Variants in PRKG1 observed in about 807,000 individuals in gnomAD.
PRKG1 encodes the protein protein kinase cGMP-dependent 1.
A neutral mutation model predicts 88.1 loss-of-function variants in PRKG1; 35 were observed. That is an observed-to-expected ratio of 0.40 (90% CI 0.30 to 0.53). The LOEUF (loss-of-function observed/expected upper bound fraction) is 0.53, where lower values mean the gene tolerates loss of function less well. PRKG1 is among the 20% of genes least tolerant of loss of function. The pLI is 0.59. For synonymous variants in PRKG1, 303 were observed against 292.5 expected (o/e 1.04, Z -0.37); for missense variants, 540 against 839.8 (o/e 0.64, Z 4.41).
intron 2 of PRKG1, among the ~76,000 whole-genome samples, chr10:51,367,994 C>A (rs1842624531): frequency 6.6e-6 from 1 of 151,880 alleles, no homozygotes; most frequent in Non-Finnish European, 1.5e-5. Flanking sequence ...TAGTGTTTTG[C>A]TGATTTTATT....
At position 50,991,343 on chromosome 10, in the gene PRKG1, C is replaced by CGCCG; in HGVS notation, c.-36_-35insGCCG. On this transcript the variant is annotated 5_prime_UTR_variant, in exon 1 of 18. Transcript: ENST00000401604. The surrounding 1 kb of genome is among the most constrained non-coding windows in gnomAD (Gnocchi z 4.5). ...CCGCCGCCGCCGCCGCCGCCGCCGC[C>CGCCG]CGAGAAAAAGTTTCGCGGAGGGGCT... 1 of 1,493,714 alleles carries CGCCG rather than the reference C, an allele frequency of 6.7e-7. No homozygotes were observed. Among genetic ancestry groups the CGCCG allele is most frequent in the South Asian group, 1.3e-5 (1 of 77,476 alleles). 92.5% of individuals were successfully genotyped at this position (1,493,714 alleles called of 1,614,324 possible).
At chr10:52,254,603 G>C (rs1040363932) in intron 10 of PRKG1, among the ~76,000 whole-genome samples, 1 of 151,974 alleles carries the variant, frequency 6.6e-6, no homozygotes, top group African/African-American at 2.4e-5. Flanking sequence ...GTGAAGTTAA[G>C]AATGTAGTTT....
chr10:51,941,504 A>G (rs1282383169), intron 5 of PRKG1, among the ~76,000 whole-genome samples: 1 of 151,798 alleles, frequency 6.6e-6, no homozygotes, highest in East Asian at 1.9e-4. Context: ...CACAATGTGC[A>G]GGTTAGTTAC....
chr10:51,636,496 A>T (rs1011087598), intron 3 of PRKG1, among the ~76,000 whole-genome samples: 4 of 152,242 alleles, frequency 2.6e-5, no homozygotes, highest in African/African-American at 7.2e-5. Flanking sequence ...ATGAGAACAC[A>T]GCTATGTGAG....
intron 2 of PRKG1, among the ~76,000 whole-genome samples, chr10:51,231,518 G>C (rs1838844173): frequency 6.6e-6 from 1 of 152,092 alleles, no homozygotes; most frequent in Admixed American, 6.6e-5. Context: ...TTCCTTTGCT[G>C]CTTGAATCTG....
intron 1 of PRKG1, chr10:51,148,272 G>A: frequency 1.0e-6 from 1 of 985,118 alleles, no homozygotes; most frequent in Non-Finnish European, 1.2e-6. Context: ...AGGTGACTGT[G>A]AAAATCATTT....
intron 4 of PRKG1, among the ~76,000 whole-genome samples, chr10:51,850,410 C>T (rs1468327213): frequency 6.6e-6 from 1 of 152,110 alleles, no homozygotes; most frequent in Non-Finnish European, 1.5e-5. Context: ...TTCCTGACCT[C>T]AGATGATCCA....
chr10:52,172,164 T>C (rs578206493), intron 9 of PRKG1, among the ~76,000 whole-genome samples: 1 of 152,366 alleles, frequency 6.6e-6, no homozygotes, highest in East Asian at 1.9e-4. Flanking sequence ...CGCTTATCTT[T>C]GAGACTCTCT....
chr10:51,884,301 C>A (rs1841509759), intron 4 of PRKG1, among the ~76,000 whole-genome samples: 2 of 148,836 alleles, frequency 1.3e-5, no homozygotes, highest in African/African-American at 4.9e-5. Context: ...AAAAATTAGC[C>A]AGGCGTGGTG....
chr10:52,119,892 C>T (rs1847775267), intron 7 of PRKG1, among the ~76,000 whole-genome samples: 1 of 151,826 alleles, frequency 6.6e-6, no homozygotes. Flanking sequence ...GAAGAGAGCA[C>T]AGGCATGAGA....
intron 2 of PRKG1, among the ~76,000 whole-genome samples, chr10:51,305,008 A>G (rs949209400): frequency 1.3e-5 from 2 of 152,110 alleles, no homozygotes; most frequent in African/African-American, 4.8e-5. Context: ...CTAGAAAATG[A>G]AGACTTTGTC....
chr10:51,016,997 T>A (rs1029352749), intron 1 of PRKG1, among the ~76,000 whole-genome samples: 2 of 151,738 alleles, frequency 1.3e-5, no homozygotes, highest in African/African-American at 4.8e-5. Flanking sequence ...CCAAAAAAAC[T>A]GAGGCTCAAA....
chr10:51,184,208 C>T (rs1220220687), intron 2 of PRKG1, among the ~76,000 whole-genome samples: 2 of 152,178 alleles, frequency 1.3e-5, no homozygotes, highest in Admixed American at 6.5e-5. Context: ...GATTCTCTCC[C>T]TTATTATATT....
At chr10:51,784,490 A>T (rs1225577188) in intron 3 of PRKG1, among the ~76,000 whole-genome samples, 1 of 152,150 alleles carries the variant, frequency 6.6e-6, no homozygotes, top group African/African-American at 2.4e-5. Flanking sequence ...GCCAGAAAGG[A>T]TGAATAGTTT....
intron 14 of PRKG1, 68 bp downstream of exon 14, chr10:52,282,384 T>C (rs572453153): frequency 6.1e-5 from 86 of 1,408,068 alleles, no homozygotes; most frequent in Non-Finnish European, 8.0e-5. Context: ...CCTGCTTTTG[T>C]CACTTGGATT....
rs181778227 is a variant in PRKG1 at position 52,292,074 on chromosome 10, G to T, written c.1963-1728G>T. Among the ~76,000 whole-genome samples, 1,361 of 152,136 alleles carry T rather than the reference G, an allele frequency of 8.9e-3. 13 individuals are homozygous for T. The highest frequency in any genetic ancestry group is 0.017 in the Middle Eastern group (5 of 294). On this transcript the variant is annotated intron_variant, in intron 17 of 17. Transcript: ENST00000373980. Reference sequence around the variant, plus strand: ...TAAATGTCTTCTTTTGAGAAGTGTCGGTTCATGTCCTTGGCCCACTTTTTG... The same window carrying T: ...TAAATGTCTTCTTTTGAGAAGTGTCTGTTCATGTCCTTGGCCCACTTTTTG...
At chr10:51,878,165 T>C (rs1841345862) in intron 4 of PRKG1, among the ~76,000 whole-genome samples, 2 of 152,088 alleles carry the variant, frequency 1.3e-5, no homozygotes, top group South Asian at 4.1e-4. Flanking sequence ...GTGTAATAAA[T>C]AACATATATA....
intron 5 of PRKG1, among the ~76,000 whole-genome samples, chr10:51,941,937 C>A (rs1036358116): frequency 2.6e-5 from 4 of 151,928 alleles, no homozygotes; most frequent in Non-Finnish European, 4.4e-5. Flanking sequence ...TTTATAGCAG[C>A]GTGATTTATA....
At chr10:51,430,988 G>A (rs189378600) in intron 2 of PRKG1, among the ~76,000 whole-genome samples, 231 of 152,306 alleles carry the variant, frequency 1.5e-3, no homozygotes, top group South Asian at 2.3e-3. Context: ...TGGTGATGGA[G>A]ATGTTCTTAA....
Sources: gnomAD v4.1 joint callset for allele counts (sites outside exome capture counted in the v4.1 genomes callset) on GRCh38, gnomAD v4.1.1 for gene constraint, Gnocchi (gnomAD v3.1) non-coding constraint, MANE v1.5 for transcripts, NCBI Gene and HGNC (gene_info 2026-07-23, HGNC 2026-07-21) for gene names.